CNTNAP5: variants seen among roughly 807,000 people sequenced by gnomAD.
CNTNAP5 encodes the protein contactin-associated protein-like 5.
In CNTNAP5, 72 loss-of-function variants were observed where a neutral mutation model predicts 150.2. That is an observed-to-expected ratio of 0.48 (90% CI 0.40 to 0.58). The LOEUF (loss-of-function observed/expected upper bound fraction) is 0.58, where lower values mean the gene tolerates loss of function less well. CNTNAP5 is among the 20% of genes least tolerant of loss of function. The probability of loss-of-function intolerance (pLI) is 0.00; values close to 1 mark genes in which losing one functional copy is unlikely to be tolerated. For missense variants in CNTNAP5, 1,636 were observed against 1,626.2 expected (o/e 1.01, Z -0.10); for synonymous variants, 672 against 619.8 (o/e 1.08, Z -1.25).
intron 3 of CNTNAP5, among the ~76,000 whole-genome samples, chr2:124,329,544 G>A (rs1689298096): frequency 6.6e-6 from 1 of 151,946 alleles, no homozygotes; most frequent in Admixed American, 6.6e-5. Context: ...TCCATACCTT[G>A]GTATATTGTG....
rs573850491 is a variant in CNTNAP5, at chr2:124,736,505, C to A, written c.2078-10724C>A. ...AATCAGACAAGAGTCTTGACCATTGCAGATGTTTTATATCGGTTTGTTTAA... is the reference window on the plus strand; with the variant it reads ...AATCAGACAAGAGTCTTGACCATTGAAGATGTTTTATATCGGTTTGTTTAA... On this transcript the variant is annotated intron_variant, in intron 13 of 23. Coordinates refer to ENST00000682447, the MANE Select transcript of CNTNAP5 (RefSeq NM_001367498.1). Among the ~76,000 whole-genome samples, 16 of 152,242 alleles carry A rather than the reference C, an allele frequency of 1.1e-4. No homozygotes were observed. In the South Asian group the frequency reaches 3.3e-3, roughly 32 times the overall value.
chr2:124,829,648 A>G (rs1682671449), intron 19 of CNTNAP5, among the ~76,000 whole-genome samples: 5 of 152,074 alleles, frequency 3.3e-5, no homozygotes, highest in Admixed American at 6.6e-5. Context: ...ATGCATTTGC[A>G]TATTTTTTCA....
chr2:124,250,282 A>T (rs1687140277), intron 3 of CNTNAP5, among the ~76,000 whole-genome samples: 1 of 152,060 alleles, frequency 6.6e-6, no homozygotes, highest in Non-Finnish European at 1.5e-5. Context: ...TTGTAATGAA[A>T]TCTCAGGTGC....
intron 19 of CNTNAP5, among the ~76,000 whole-genome samples, chr2:124,815,364 G>T (rs1016708626): frequency 6.6e-6 from 1 of 152,150 alleles, no homozygotes; most frequent in Non-Finnish European, 1.5e-5. Flanking sequence ...TTTGTTGGCT[G>T]CCCTTGTCTT....
In CNTNAP5 at chr2:124,242,216, C is replaced by T. The variant is rs1029405540; in HGVS notation, c.204C>T (p.Ser68=). ...LNWRVGTGGW[S]PADSNAQQWL... ...CTGTTCCAGGAACTGGCGGTTGGTC[C>T]CCAGCAGATTCCAATGCTCAACAGT... Residue 68 remains serine, a synonymous_variant, in exon 3 of 24, where the codon TCC becomes TCT. Coordinates refer to ENST00000682447, the MANE Select transcript of CNTNAP5 (RefSeq NM_001367498.1). 4 of 1,592,042 alleles carry T rather than the reference C, an allele frequency of 2.5e-6. No homozygotes were observed. Among genetic ancestry groups the T allele is most frequent in the Non-Finnish European group, 3.4e-6 (4 of 1,168,452 alleles).
intron 19 of CNTNAP5, among the ~76,000 whole-genome samples, chr2:124,829,702 A>G (rs2104679517): frequency 6.6e-6 from 1 of 151,956 alleles, no homozygotes; most frequent in Admixed American, 6.6e-5. Context: ...CATATTTATT[A>G]TTATTTATGA....
At chr2:124,284,199 A>T (rs1157182333) in intron 3 of CNTNAP5, among the ~76,000 whole-genome samples, 2 of 152,196 alleles carry the variant, frequency 1.3e-5, no homozygotes, top group African/African-American at 4.8e-5. Context: ...GAGGAACCAG[A>T]TAAATCAAAA....
At chr2:124,125,010 G>A (rs1245000038) in intron 1 of CNTNAP5, among the ~76,000 whole-genome samples, 1 of 152,156 alleles carries the variant, frequency 6.6e-6, no homozygotes, top group Non-Finnish European at 1.5e-5. Flanking sequence ...ATCAACTAAT[G>A]AGCAAAACAA....
At chr2:124,599,057 G>A (rs1335904872) in intron 11 of CNTNAP5, among the ~76,000 whole-genome samples, 311 of 142,298 alleles carry the variant, frequency 2.2e-3, no homozygotes, top group South Asian at 5.3e-3. Context: ...ACTCCCTAGT[G>A]AGATGAACCC....
At chr2:124,355,505 C>A (rs1457163783) in intron 3 of CNTNAP5, among the ~76,000 whole-genome samples, 1 of 152,106 alleles carries the variant, frequency 6.6e-6, no homozygotes, top group Admixed American at 6.6e-5. Flanking sequence ...TCCCACTGAA[C>A]CAACTTTTCC....
intron 6 of CNTNAP5, among the ~76,000 whole-genome samples, chr2:124,458,819 TGAG>T (rs1375349377): frequency 3.9e-5 from 6 of 152,174 alleles, no homozygotes. Flanking sequence ...TTCATATGTA[TGAG>T]AAGATGCTCA....
At chr2:124,737,607 C>A (rs887071265) in intron 13 of CNTNAP5, among the ~76,000 whole-genome samples, 2 of 152,116 alleles carry the variant, frequency 1.3e-5, no homozygotes, top group Admixed American at 1.3e-4. Flanking sequence ...TTTCTTGTTG[C>A]AATAGGGAAC....
intron 3 of CNTNAP5, among the ~76,000 whole-genome samples, chr2:124,260,244 C>T (rs560962190): frequency 1.1e-4 from 16 of 152,202 alleles, no homozygotes; most frequent in African/African-American, 1.4e-4. Flanking sequence ...TTTGACAAAC[C>T]GGACAAGAAC....
chr2:124,148,544 TTA>T (rs1220890927), intron 1 of CNTNAP5, among the ~76,000 whole-genome samples: 2 of 146,478 alleles, frequency 1.4e-5, no homozygotes, highest in South Asian at 4.2e-4. Flanking sequence ...TATATACATA[TTA>T]TATATAATAT....
At chr2:124,671,299 G>A (rs1032997541) in intron 13 of CNTNAP5, among the ~76,000 whole-genome samples, 4 of 152,286 alleles carry the variant, frequency 2.6e-5, no homozygotes, top group Non-Finnish European at 4.4e-5. Flanking sequence ...ATTAGAGAAT[G>A]TAATCTAATT....
At chr2:124,448,914 A>G (rs1256918094) in intron 6 of CNTNAP5, among the ~76,000 whole-genome samples, 1 of 152,222 alleles carries the variant, frequency 6.6e-6, no homozygotes, top group African/African-American at 2.4e-5. Flanking sequence ...GTTTGGATAC[A>G]CAGTCATGGC....
At chr2:124,242,829 C>T (rs1686921080) in intron 3 of CNTNAP5, among the ~76,000 whole-genome samples, 1 of 152,116 alleles carries the variant, frequency 6.6e-6, no homozygotes, top group Non-Finnish European at 1.5e-5. Flanking sequence ...TCAACATTGC[C>T]CAATGTATGA....
At chr2:124,276,054 C>A (rs1343975378) in intron 3 of CNTNAP5, among the ~76,000 whole-genome samples, 1 of 152,062 alleles carries the variant, frequency 6.6e-6, no homozygotes, top group East Asian at 1.9e-4. Flanking sequence ...TATGAGATTT[C>A]TCAGAAATAA....
At chr2:124,069,228 A>C (rs935029202) in intron 1 of CNTNAP5, among the ~76,000 whole-genome samples, 1 of 152,158 alleles carries the variant, frequency 6.6e-6, no homozygotes, top group African/African-American at 2.4e-5. Context: ...GCCAGTGGTT[A>C]TGGTGGCCAC....
Sources: gnomAD v4.1 joint callset for allele counts (sites outside exome capture counted in the v4.1 genomes callset) on GRCh38, gnomAD v4.1.1 for gene constraint, MANE v1.5 for transcripts, NCBI Gene and HGNC (gene_info 2026-07-23, HGNC 2026-07-21) for gene names.